KCNQ3: variants seen among roughly 807,000 people sequenced by gnomAD.
KCNQ3 encodes the protein potassium voltage-gated channel subfamily KQT member 3.
Under a neutral mutation model 92.5 loss-of-function variants are expected in KCNQ3, and 30 were observed. The observed-to-expected ratio is 0.32, with a 90% confidence interval of 0.24 to 0.44. KCNQ3 has a LOEUF of 0.44. Ranked by LOEUF, KCNQ3 falls within the 20% of genes least tolerant of loss-of-function variation. The pLI, the probability that KCNQ3 is intolerant of heterozygous loss-of-function variation, is 1.00. For synonymous variants in KCNQ3, 450 were observed against 468.8 expected, an observed-to-expected ratio of 0.96 and a Z score of 0.52; for missense variants, 913 against 1,140.3, an observed-to-expected ratio of 0.80 and a Z score of 2.87.
intron 1 of KCNQ3, among the ~76,000 whole-genome samples, chr8:132,280,259 T>TA (rs750583867): frequency 5.5e-4 from 83 of 152,136 alleles, no homozygotes; most frequent in Admixed American, 2.2e-3. Flanking sequence ...TGCGCTGCTA[T>TA]AAAAAATATA....
intron 1 of KCNQ3, among the ~76,000 whole-genome samples, chr8:132,433,246 T>C (rs533144173): frequency 6.6e-6 from 1 of 152,124 alleles, no homozygotes; most frequent in Non-Finnish European, 1.5e-5. Flanking sequence ...TCTGGATCAT[T>C]AGCCCCTCCC....
chr8:132,141,140 T>C lies in KCNQ3; in HGVS notation c.1454A>G (p.Gln485Arg). 6.2e-7 allele frequency: 1 copy of C among 1,614,146 alleles called. No homozygotes were observed. The highest frequency in any genetic ancestry group is 8.5e-7 in the Non-Finnish European group (1 of 1,179,982). ...TAAAAAGGCATTACCTTCAGAACTC[T>C]GCCAGAAAGCGTAGGCTTTCATGCG... Reference protein sequence around the residue: ...AFRMKAYAFWQSSEDAGTGDP... With the variant: ...AFRMKAYAFWRSSEDAGTGDP... The change falls in exon 10 of 15, where the codon CAG (glutamine) becomes CGG (arginine). Residue 485 changes from glutamine (Q) to arginine (R), a missense_variant. Coordinates refer to ENST00000388996, the MANE Select transcript of KCNQ3 (RefSeq NM_004519.4).
At chr8:132,375,479 C>G (rs1487663804) in intron 1 of KCNQ3, among the ~76,000 whole-genome samples, 2 of 152,186 alleles carry the variant, frequency 1.3e-5, no homozygotes, top group Admixed American at 1.3e-4. Flanking sequence ...CTGTACACCC[C>G]TGTGAGAATG....
intron 1 of KCNQ3, among the ~76,000 whole-genome samples, chr8:132,361,077 C>T (rs967913931): frequency 2.0e-5 from 3 of 152,168 alleles, no homozygotes; most frequent in African/African-American, 7.2e-5. Context: ...ATGCAAGCTT[C>T]CCAAATTCCA....
intron 1 of KCNQ3, among the ~76,000 whole-genome samples, chr8:132,302,462 G>A (rs1014210098): frequency 1.3e-5 from 2 of 152,128 alleles, no homozygotes; most frequent in Admixed American, 6.5e-5. Flanking sequence ...GATCCACCTC[G>A]CCCCTGTTGG....
rs1337748511 is a variant in KCNQ3, at chr8:132,134,192, A to T, written c.1799+98T>A. 3.4e-6 allele frequency: 3 copies of T among 870,334 alleles called. No homozygotes were observed. In the Admixed American group the frequency reaches 5.1e-5, roughly 15 times the overall value. The allele number at this position is 870,334 out of a possible 1,614,324, so 53.9% of individuals were successfully genotyped here. ...CTTCATTTTACTTAGGAGAGTGACA[A>T]CTTCACCCACATAAAGGACCCCAGC... is the stretch of plus-strand genomic sequence containing the variant. On this transcript the variant is annotated intron_variant, in intron 13 of 14. Coordinates refer to ENST00000388996, the MANE Select transcript of KCNQ3 (RefSeq NM_004519.4).
intron 1 of KCNQ3, among the ~76,000 whole-genome samples, chr8:132,187,725 G>GGTA (rs1827020142): frequency 6.6e-6 from 1 of 150,940 alleles, no homozygotes; most frequent in Non-Finnish European, 1.5e-5. Flanking sequence ...TGGTGATGGT[G>GGTA]GTGATAGTGA....
intron 1 of KCNQ3, among the ~76,000 whole-genome samples, chr8:132,357,111 T>G (rs1469295109): frequency 6.6e-6 from 1 of 152,190 alleles, no homozygotes; most frequent in Non-Finnish European, 1.5e-5. Flanking sequence ...AAGATGATCA[T>G]CCCTTTCTAA....
intron 1 of KCNQ3, among the ~76,000 whole-genome samples, chr8:132,410,597 TAGC>T (rs1244139654): frequency 1.3e-5 from 2 of 152,240 alleles, no homozygotes; most frequent in Non-Finnish European, 2.9e-5. Context: ...GACAGCCAGT[TAGC>T]AGCAGCTGCA....
chr8:132,147,741 G>T (rs61151274), intron 9 of KCNQ3, among the ~76,000 whole-genome samples: 1 of 152,196 alleles, frequency 6.6e-6, no homozygotes, highest in African/African-American at 2.4e-5. Context: ...GAGAGATTTC[G>T]AAGAAAGGGT....
chr8:132,323,627 C>T (rs973522389), intron 1 of KCNQ3, among the ~76,000 whole-genome samples: 3 of 152,150 alleles, frequency 2.0e-5, no homozygotes, highest in Non-Finnish European at 4.4e-5. Context: ...CGTTTCCATC[C>T]TCTCTCTGAC....
At chr8:132,350,284 T>C (rs1313914513) in intron 1 of KCNQ3, among the ~76,000 whole-genome samples, 1 of 152,076 alleles carries the variant, frequency 6.6e-6, no homozygotes, top group Non-Finnish European at 1.5e-5. Flanking sequence ...AGATTCATGG[T>C]GGGGAGGGGC....
intron 1 of KCNQ3, chr8:132,187,067 G>A (rs1251288040): frequency 2.4e-6 from 1 of 415,440 alleles, no homozygotes; most frequent in East Asian, 7.1e-5. Flanking sequence ...TGGCTTAGTT[G>A]TCAGTACCAG....
At chr8:132,238,298 T>G (rs1317565391) in intron 1 of KCNQ3, among the ~76,000 whole-genome samples, 16 of 152,072 alleles carry the variant, frequency 1.1e-4, no homozygotes, top group Non-Finnish European at 5.9e-5. Flanking sequence ...TTGGCCTATG[T>G]GGTCTTGAAA....
At chr8:132,319,053 T>C (rs1373719055) in intron 1 of KCNQ3, among the ~76,000 whole-genome samples, 1 of 152,052 alleles carries the variant, frequency 6.6e-6, no homozygotes, top group African/African-American at 2.4e-5. Flanking sequence ...CTCCAGAGAA[T>C]TTAAAAAGTG....
chr8:132,436,594 A>T (rs555490474), intron 1 of KCNQ3, among the ~76,000 whole-genome samples: 2 of 152,246 alleles, frequency 1.3e-5, no homozygotes, highest in East Asian at 3.8e-4. Flanking sequence ...TCTTCAGGCC[A>T]GGCAAATATT....
At chr8:132,278,058 C>T (rs1405912046) in intron 1 of KCNQ3, 1 of 985,172 alleles carries the variant, frequency 1.0e-6, no homozygotes, top group African/African-American at 1.7e-5. Context: ...GTCAGGAGGA[C>T]ACAATTACAC....
chr8:132,141,419 C>T (rs1586764182), intron 9 of KCNQ3, 88 bp from the exon 10 acceptor site: 1 of 1,165,458 alleles, frequency 8.6e-7, no homozygotes, highest in South Asian at 1.3e-5. Flanking sequence ...CACACATTCT[C>T]CTCCAAGGAG....
intron 1 of KCNQ3, among the ~76,000 whole-genome samples, chr8:132,237,818 A>C (rs1037522386): frequency 6.6e-6 from 1 of 152,254 alleles, no homozygotes; most frequent in Admixed American, 6.5e-5. Flanking sequence ...TTAAGATAAA[A>C]ACAAGAACAA....
Sources: gnomAD v4.1 joint callset for allele counts (sites outside exome capture counted in the v4.1 genomes callset) on GRCh38, gnomAD v4.1.1 for gene constraint, MANE v1.5 for transcripts, NCBI Gene and HGNC (gene_info 2026-07-23, HGNC 2026-07-21) for gene names.